Variants in NDUFV2 observed in about 807,000 individuals in gnomAD.
NDUFV2 encodes NADH:ubiquinone oxidoreductase core subunit V2, also known as NADH dehydrogenase [ubiquinone] flavoprotein 2, mitochondrial.
In NDUFV2, 18 loss-of-function variants were observed where a neutral mutation model predicts 31.6. The ratio of observed to expected loss-of-function variants is 0.57; its 90% CI spans 0.39 to 0.84. NDUFV2 has a LOEUF of 0.84. NDUFV2 is among the 40% of genes least tolerant of loss of function. The pLI, the probability that NDUFV2 is intolerant of heterozygous loss-of-function variation, is 0.00. For missense variants in NDUFV2, 314 were observed against 303.6 expected (o/e 1.03, Z -0.26); for synonymous variants, 83 against 99.8 (o/e 0.83, Z 1.01).
chr18:9,117,193 C>T (rs973005720), intron 1 of NDUFV2, among the ~76,000 whole-genome samples: 1 of 152,046 alleles, frequency 6.6e-6, no homozygotes, highest in African/African-American at 2.4e-5. Context: ...TGCGCCACCA[C>T]GCCCAGCTAA....
intron 7 of NDUFV2, among the ~76,000 whole-genome samples, chr18:9,131,337 T>G (rs2078038745): frequency 6.6e-6 from 1 of 152,228 alleles, no homozygotes; most frequent in Non-Finnish European, 1.5e-5. Context: ...CAGGGTCAGC[T>G]GTAGTCTCTT....
At chr18:9,109,181 A>G (rs1185647551) in intron 1 of NDUFV2, among the ~76,000 whole-genome samples, 1 of 152,142 alleles carries the variant, frequency 6.6e-6, no homozygotes, top group Non-Finnish European at 1.5e-5. Flanking sequence ...TTCACTAGAG[A>G]TGTTTCATGT....
chr18:9,130,548 A>G (rs1453105780), intron 7 of NDUFV2, among the ~76,000 whole-genome samples: 2 of 152,228 alleles, frequency 1.3e-5, no homozygotes, highest in African/African-American at 4.8e-5. Context: ...GCAATACTAG[A>G]ATGTCTTGTC....
At chr18:9,104,266 C>T (rs1346636826) in intron 1 of NDUFV2, 2 of 1,612,340 alleles carry the variant, frequency 1.2e-6, no homozygotes, top group Admixed American at 3.3e-5. Flanking sequence ...GAGACAGGGG[C>T]CAGATATTGG....
chr18:9,133,738 TAC>T (rs1188339875), intron 7 of NDUFV2, among the ~76,000 whole-genome samples: 1 of 152,190 alleles, frequency 6.6e-6, no homozygotes. Context: ...TAAAAAGAAA[TAC>T]AGTGCTCTAG....
intron 7 of NDUFV2, among the ~76,000 whole-genome samples, chr18:9,127,223 A>G (rs2077998917): frequency 1.3e-5 from 2 of 152,204 alleles, no homozygotes; most frequent in South Asian, 4.1e-4. Context: ...TAAAAATCCA[A>G]TTCTGCCCTT....
chr18:9,113,475 C>G (rs1372207521), intron 1 of NDUFV2, among the ~76,000 whole-genome samples: 1 of 152,170 alleles, frequency 6.6e-6, no homozygotes, highest in East Asian at 1.9e-4. Context: ...AGGCAGCATC[C>G]TGGGTCAGTA....
chr18:9,118,081 C>T (rs143308727), intron 2 of NDUFV2, among the ~76,000 whole-genome samples, 178 bp downstream of exon 2: 1 of 152,094 alleles, frequency 6.6e-6, no homozygotes, highest in Non-Finnish European at 1.5e-5. Flanking sequence ...CCAGTTGAAC[C>T]TCATGAGTTT....
At chr18:9,105,962 TTGTA>T in intron 1 of NDUFV2, among the ~76,000 whole-genome samples, 2 of 152,302 alleles carry the variant, frequency 1.3e-5, no homozygotes, top group South Asian at 4.1e-4. Flanking sequence ...CAATTTTGGA[TTGTA>T]TGCTGAATTT....
At chr18:9,103,661 A>G (rs921804376) in intron 1 of NDUFV2, 9 of 155,210 alleles carry the variant, frequency 5.8e-5, no homozygotes, top group Non-Finnish European at 1.3e-4. Flanking sequence ...CTTTAGAGTT[A>G]GACTCGAGTT....
rs373840427 is a variant in NDUFV2 at position 9,125,021 on chromosome 18, T to C, written c.579+38T>C. 12 of 1,587,062 alleles carry C rather than the reference T, an allele frequency of 7.6e-6. No individual in the cohort carries two copies. The African/African-American group carries it at 1.6e-4, about 21-fold the overall frequency. On this transcript the variant is annotated intron_variant, in intron 6 of 7. Transcript: ENST00000318388. Reference sequence around the variant, plus strand: ...GGTAATACAAGTTAAAGTTGTATGATGTCATATTTAAAACATTTTAAATAT... The same window carrying C: ...GGTAATACAAGTTAAAGTTGTATGACGTCATATTTAAAACATTTTAAATAT...
intron 1 of NDUFV2, among the ~76,000 whole-genome samples, chr18:9,112,957 C>T (rs1027032753): frequency 2.6e-5 from 4 of 152,138 alleles, no homozygotes; most frequent in African/African-American, 9.7e-5. Context: ...ACCCATGATA[C>T]ATCCCACCTT....
At chr18:9,110,746 G>A (rs975042283) in intron 1 of NDUFV2, among the ~76,000 whole-genome samples, 8 of 152,152 alleles carry the variant, frequency 5.3e-5, no homozygotes, top group Admixed American at 2.0e-4. Flanking sequence ...GGCTTCAAGC[G>A]ATCTATGGGG....
At chr18:9,111,353 T>C (rs961638785) in intron 1 of NDUFV2, among the ~76,000 whole-genome samples, 2 of 152,168 alleles carry the variant, frequency 1.3e-5, no homozygotes, top group Admixed American at 1.3e-4. Flanking sequence ...CTAATAATAA[T>C]AGCTAATGAT....
intron 1 of NDUFV2, chr18:9,104,212 C>T (rs780691196): frequency 6.2e-7 from 1 of 1,612,634 alleles, no homozygotes; most frequent in African/African-American, 1.3e-5. Context: ...AGAAGCCACC[C>T]TCTGCTGTTG....
chr18:9,104,876 A>G, intron 1 of NDUFV2: 1 of 1,460,068 alleles, frequency 6.8e-7, no homozygotes, highest in East Asian at 2.5e-5. Context: ...TCAAAAAATA[A>G]AAATCATCCA....
intron 7 of NDUFV2, among the ~76,000 whole-genome samples, chr18:9,131,479 A>G (rs1045711021): frequency 1.3e-5 from 2 of 152,216 alleles, no homozygotes; most frequent in African/African-American, 4.8e-5. Flanking sequence ...TTAGTTTATA[A>G]CTCATTTTAA....
At chr18:9,124,728 G>A (rs2077972937) in intron 5 of NDUFV2, 146 bp from the exon 6 acceptor site, 5 of 707,120 alleles carry the variant, frequency 7.1e-6, no homozygotes, top group African/African-American at 3.6e-5. Flanking sequence ...GATTACAGGC[G>A]TGAGCCACCG....
intron 7 of NDUFV2, among the ~76,000 whole-genome samples, chr18:9,131,826 C>T (rs927344693): frequency 4.0e-5 from 6 of 151,048 alleles, no homozygotes; most frequent in Non-Finnish European, 8.9e-5. Flanking sequence ...CATGAGATAT[C>T]AGGAAAATCA....
Sources: allele counts gnomAD v4.1 joint callset (sites outside exome capture counted in the v4.1 genomes callset), GRCh38; gene constraint gnomAD v4.1.1; transcripts MANE v1.5; gene names NCBI Gene and HGNC (gene_info 2026-07-23, HGNC 2026-07-21).